The following GATA4 variants were observed in gnomAD, a reference collection of about 807,000 sequenced individuals.
The protein encoded by GATA4 is transcription factor GATA-4.
In GATA4, 7 loss-of-function variants were observed where a neutral mutation model predicts 37.9. The ratio of observed to expected loss-of-function variants is 0.18; its 90% confidence interval spans 0.11 to 0.35. GATA4 has a LOEUF of 0.35. Ranked by LOEUF, GATA4 falls within the 10% of genes least tolerant of loss-of-function variation. GATA4 has a pLI of 1.00. For missense variants in GATA4, 647 were observed against 653.0 expected (o/e 0.99, Z 0.10); for synonymous variants, 372 against 292.6 (o/e 1.27, Z -2.77).
chr8:11,687,014 T>G (rs1211111527), intron 1 of GATA4, among the ~76,000 whole-genome samples: 1 of 147,968 alleles, frequency 6.8e-6, no homozygotes, highest in African/African-American at 2.5e-5. Flanking sequence ...AAAAAAAAAA[T>G]CCTCAACCAC....
At chr8:11,679,904 T>C (rs1798899336) in intron 1 of GATA4, among the ~76,000 whole-genome samples, 1 of 152,240 alleles carries the variant, frequency 6.6e-6, no homozygotes, top group Non-Finnish European at 1.5e-5. Flanking sequence ...CCATGAATTT[T>C]AATCCCTGTT....
At chr8:11,677,868 C>T (rs1026909346) in intron 1 of GATA4, among the ~76,000 whole-genome samples, 2 of 152,054 alleles carry the variant, frequency 1.3e-5, no homozygotes, top group African/African-American at 2.4e-5. Context: ...AGGCCCACTG[C>T]GTGCGTTGCA....
chr8:11,692,037 A>C, upstream of GATA4: 1 of 985,410 alleles, frequency 1.0e-6, no homozygotes, highest in Non-Finnish European at 1.2e-6. Flanking sequence ...CATGATCCTC[A>C]CCTTAGTGTC....
upstream of GATA4, chr8:11,692,574 G>A (rs1799349335): frequency 3.0e-6 from 3 of 985,348 alleles, no homozygotes; most frequent in Non-Finnish European, 3.6e-6. Flanking sequence ...CGGCGGCTCC[G>A]CCTGGGAGGG....
upstream of GATA4, among the ~76,000 whole-genome samples, chr8:11,688,618 G>A (rs1433623080): frequency 1.3e-5 from 2 of 152,224 alleles, no homozygotes; most frequent in African/African-American, 4.8e-5. Context: ...GTGGGTGTCA[G>A]GGGAGTGTGT....
At chr8:11,702,481 A>G (rs1231592480), upstream of GATA4, among the ~76,000 whole-genome samples, 2 of 151,348 alleles carry the variant, frequency 1.3e-5, no homozygotes, top group Admixed American at 6.6e-5. This position sits in a 1 kb window ranked among gnomAD's most constrained non-coding sequence, Gnocchi z 4.4. Context: ...CCCCCCACGA[A>G]GATGATTGCC....
chr8:11,697,841 G>C (rs1006493534), intron 1 of GATA4: 37 of 985,360 alleles, frequency 3.8e-5, no homozygotes, highest in Non-Finnish European at 4.5e-5. Flanking sequence ...GGCCACCACG[G>C]GGCGGAGGAG....
At position 11,759,061 on chromosome 8, in the gene GATA4, C is replaced by T. The variant is rs185327204; in HGVS notation, c.*586C>T. On this transcript the variant is annotated 3_prime_UTR_variant, in exon 7 of 7. Coordinates refer to ENST00000532059, the MANE Select transcript of GATA4 (RefSeq NM_001308093.3). ...TACAGGGGCACTTAACCCACCACAG[C>T]ACAGCCTCATCAAAATGCAGCTGGC... The T allele has an allele frequency of 1.3e-3, 220 of 164,324 alleles. 1 individual carries two copies. Among genetic ancestry groups the T allele is most frequent in the African/African-American group, 5.2e-3 (216 of 41,700 alleles). The allele number at this position is 164,324 out of a possible 1,614,324, so 10.2% of individuals were successfully genotyped here.
chr8:11,692,912 G>A (rs150601452), intron 1 of GATA4: 44,013 of 984,030 alleles, frequency 0.045, 1,075 homozygotes, highest in Middle Eastern at 0.075. Context: ...CCAGCCGCCT[G>A]GGGTTCCGCG....
chr8:11,708,405 C>G lies in GATA4; in HGVS notation c.93C>G (p.Gly31=). ...CCGGCGCCTTCATGCACGGCGCGGG[C>G]GCCGCGTCCTCGCCAGTCTACGTGC... ...GGPGAFMHGA[G]AASSPVYVPT... Residue 31 remains glycine (G), a synonymous_variant, in exon 2 of 7, where the codon GGC becomes GGG. Transcript: ENST00000532059. The surrounding 1 kb of genome is among the most constrained non-coding windows in gnomAD (Gnocchi z 6.7). 1 of 1,540,650 alleles carries G rather than the reference C, an allele frequency of 6.5e-7. No individual in the cohort carries two copies.
upstream of GATA4, among the ~76,000 whole-genome samples, chr8:11,701,522 A>G (rs2130024828): frequency 6.6e-6 from 1 of 152,200 alleles, no homozygotes; most frequent in East Asian, 1.9e-4. Flanking sequence ...AGGCCTTGAA[A>G]TGCTCCCCGC....
chr8:11,705,306 AC>A (rs1351235779), intron 1 of GATA4, among the ~76,000 whole-genome samples: 1 of 152,126 alleles, frequency 6.6e-6, no homozygotes, highest in Non-Finnish European at 1.5e-5. Flanking sequence ...TGCTCCGCAC[AC>A]GTCTGTGTCT....
chr8:11,738,528 C>G (rs148853021), intron 2 of GATA4, among the ~76,000 whole-genome samples: 26 of 152,270 alleles, frequency 1.7e-4, no homozygotes, highest in African/African-American at 6.3e-4. Context: ...ATTGAATTAA[C>G]CAGTCCGGTA....
At chr8:11,677,264 G>A (rs1158878533) in intron 1 of GATA4, among the ~76,000 whole-genome samples, 1 of 152,196 alleles carries the variant, frequency 6.6e-6, no homozygotes, top group African/African-American at 2.4e-5. Context: ...TTTGCGGACA[G>A]GAAGGAAGGA....
At chr8:11,678,732 C>T (rs1798858117) in intron 1 of GATA4, among the ~76,000 whole-genome samples, 3 of 152,162 alleles carry the variant, frequency 2.0e-5, no homozygotes, top group Admixed American at 2.0e-4. Context: ...AATCGGTCTA[C>T]AGTAAAGGAT....
chr8:11,715,611 C>A (rs371082492), intron 2 of GATA4, among the ~76,000 whole-genome samples: 2 of 151,892 alleles, frequency 1.3e-5, no homozygotes, highest in East Asian at 3.9e-4. Flanking sequence ...CATGGTGGCA[C>A]GTGCCTGTAA....
At chr8:11,744,697 G>T (rs1801944382) in intron 2 of GATA4, among the ~76,000 whole-genome samples, 1 of 152,232 alleles carries the variant, frequency 6.6e-6, no homozygotes, top group Admixed American at 6.5e-5. Context: ...CATGGAGCAG[G>T]TTGGATGGCA....
At chr8:11,688,091 G>A (rs1473206299), upstream of GATA4, among the ~76,000 whole-genome samples, 3 of 152,170 alleles carry the variant, frequency 2.0e-5, no homozygotes, top group African/African-American at 7.2e-5. Context: ...CAGATAAGTA[G>A]CAATAAGGAA....
At chr8:11,741,225 A>G (rs2898296) in intron 2 of GATA4, among the ~76,000 whole-genome samples, 1,812 of 152,158 alleles carry the variant, frequency 0.012, 32 homozygotes, top group East Asian at 0.047. Flanking sequence ...TGCCTGTAAT[A>G]CCAATACTTT....
Sources: allele counts gnomAD v4.1 joint callset (sites outside exome capture counted in the v4.1 genomes callset), GRCh38; gene constraint gnomAD v4.1.1; non-coding constraint Gnocchi (gnomAD v3.1); transcripts MANE v1.5; gene names NCBI Gene and HGNC (gene_info 2026-07-23, HGNC 2026-07-21).